INPP4B: variants seen among roughly 807,000 people sequenced by gnomAD.
INPP4B encodes inositol polyphosphate-4-phosphatase type II B, also known as inositol polyphosphate 4-phosphatase type II.
In INPP4B, 55 loss-of-function variants were observed where a neutral mutation model predicts 122.5. That is an observed-to-expected ratio of 0.45 (90% confidence interval 0.36 to 0.56). INPP4B has a LOEUF of 0.56. INPP4B is among the 20% of genes least tolerant of loss of function. INPP4B has a pLI of 0.00. For synonymous variants in INPP4B, 403 were observed against 388.7 expected, an observed-to-expected ratio of 1.04 and a Z score of -0.43; for missense variants, 1,000 against 1,097.7, an observed-to-expected ratio of 0.91 and a Z score of 1.26.
chr4:142,512,321 C>G (rs1207709006), intron 2 of INPP4B, among the ~76,000 whole-genome samples: 1 of 152,170 alleles, frequency 6.6e-6, no homozygotes, highest in East Asian at 1.9e-4. Flanking sequence ...CATCAACTTA[C>G]AGTCCAGCTA....
chr4:142,295,220 T>C (rs1159320498), intron 9 of INPP4B, among the ~76,000 whole-genome samples: 1 of 152,170 alleles, frequency 6.6e-6, no homozygotes, highest in Non-Finnish European at 1.5e-5. Flanking sequence ...AAAGAATCTG[T>C]CAATGAACAT....
chr4:142,122,452 AC>A (rs929272166), intron 20 of INPP4B, among the ~76,000 whole-genome samples: 1 of 152,070 alleles, frequency 6.6e-6, no homozygotes, highest in African/African-American at 2.4e-5. Flanking sequence ...AAGTCAATCT[AC>A]CCTTTGAGGG....
intron 3 of INPP4B, among the ~76,000 whole-genome samples, chr4:142,445,000 A>C (rs1471136093): frequency 6.6e-6 from 1 of 151,972 alleles, no homozygotes; most frequent in African/African-American, 2.4e-5. Flanking sequence ...AACATCACAC[A>C]CCAGGGCCTG....
At chr4:142,136,207 G>A (rs1804139016) in intron 18 of INPP4B, among the ~76,000 whole-genome samples, 1 of 152,158 alleles carries the variant, frequency 6.6e-6, no homozygotes, top group African/African-American at 2.4e-5. Flanking sequence ...CTGGCACCCA[G>A]GCATGTTGGT....
chr4:142,831,266 A>T (rs534420850), intron 1 of INPP4B, among the ~76,000 whole-genome samples: 1 of 152,282 alleles, frequency 6.6e-6, no homozygotes, highest in African/African-American at 2.4e-5. Context: ...ATTCCACCAG[A>T]TCTAAGTCAC....
In INPP4B at chr4:142,832,170, T is replaced by C. The variant is rs541614037; in HGVS notation, c.-254+14039A>G. Reference sequence around the variant, plus strand: ...ATGTGGAATGTGCCGAGTAGATAATTCAGTGATGAGTAAAATTTTTAAGTG... The same window carrying C: ...ATGTGGAATGTGCCGAGTAGATAATCCAGTGATGAGTAAAATTTTTAAGTG... On this transcript the variant is annotated intron_variant, in intron 1 of 25. Transcript: ENST00000262992. Among the ~76,000 whole-genome samples the C allele has an allele frequency of 6.6e-5, 10 of 152,270 alleles. No individual in the cohort carries two copies. The South Asian group carries it at 8.3e-4, about 13-fold the overall frequency.
At chr4:142,832,687 A>G (rs1782296089) in intron 1 of INPP4B, among the ~76,000 whole-genome samples, 1 of 152,186 alleles carries the variant, frequency 6.6e-6, no homozygotes, top group African/African-American at 2.4e-5. Context: ...GATCAGGGTA[A>G]CAATATTTGT....
chr4:142,456,712 G>A (rs1222075319), intron 3 of INPP4B, among the ~76,000 whole-genome samples: 4 of 152,050 alleles, frequency 2.6e-5, no homozygotes, highest in Non-Finnish European at 4.4e-5. Context: ...TTTAAATAGA[G>A]ATACTGCGCT....
At position 142,405,310 on chromosome 4, in the gene INPP4B, C is replaced by T. The variant is rs890780946; in HGVS notation, c.151G>A (p.Val51Met). Residue 51 changes from valine to methionine, a missense_variant, in exon 6 of 26, where the codon GTG becomes ATG. Coordinates refer to ENST00000262992, the MANE Select transcript of INPP4B (RefSeq NM_001101669.3). ...AGTTTACGATCACGGACAGGAGCCACGAGATCCTTGCATGCTGGCAACGGC... is the reference window on the plus strand; with the variant it reads ...AGTTTACGATCACGGACAGGAGCCATGAGATCCTTGCATGCTGGCAACGGC... ...LEFILACKDLVAPVRDRKLNT... is the reference protein window; with the variant it reads ...LEFILACKDLMAPVRDRKLNT... 1 of 1,608,852 alleles carries T rather than the reference C, an allele frequency of 6.2e-7. No individual in the cohort carries two copies. Among genetic ancestry groups the T allele is most frequent in the South Asian group, 1.1e-5 (1 of 90,984 alleles).
At chr4:142,556,193 G>C (rs984542698) in intron 2 of INPP4B, among the ~76,000 whole-genome samples, 1 of 152,128 alleles carries the variant, frequency 6.6e-6, no homozygotes, top group Non-Finnish European at 1.5e-5. Context: ...GTTGGTCAAA[G>C]GTGTGGCTCC....
chr4:142,838,975 C>T (rs929561521), intron 1 of INPP4B, among the ~76,000 whole-genome samples: 2 of 152,184 alleles, frequency 1.3e-5, no homozygotes, highest in South Asian at 2.1e-4. Context: ...GCTGCCAGGC[C>T]ACTGGCTGGA....
chr4:142,154,945 T>C (rs981857330), intron 17 of INPP4B, among the ~76,000 whole-genome samples: 7 of 151,936 alleles, frequency 4.6e-5, no homozygotes, highest in Admixed American at 4.6e-4. Flanking sequence ...ATAATCAGTG[T>C]TCACTAGGCT....
At chr4:142,640,433 G>A (rs1437035022) in intron 2 of INPP4B, among the ~76,000 whole-genome samples, 1 of 152,006 alleles carries the variant, frequency 6.6e-6, no homozygotes, top group East Asian at 1.9e-4. Flanking sequence ...GAGCTGTAGG[G>A]TAATGATTAT....
chr4:142,271,790 A>T (rs1745988198), intron 9 of INPP4B, among the ~76,000 whole-genome samples: 1 of 152,192 alleles, frequency 6.6e-6, no homozygotes, highest in African/African-American at 2.4e-5. Flanking sequence ...TTCAATGATA[A>T]TAATATAAGA....
intron 16 of INPP4B, among the ~76,000 whole-genome samples, chr4:142,161,876 ATACTGCGTATTGG>A (rs1820290541): frequency 6.6e-6 from 1 of 151,894 alleles, no homozygotes; most frequent in Non-Finnish European, 1.5e-5. Flanking sequence ...GTTTTAGGGA[ATACTGCGTATTGG>A]CAGCACAAAT....
chr4:142,612,499 G>A (rs531474860), intron 2 of INPP4B, among the ~76,000 whole-genome samples: 1 of 152,184 alleles, frequency 6.6e-6, no homozygotes, highest in South Asian at 2.1e-4. Context: ...CTGTTATGAA[G>A]GCCAAGAAGT....
intron 2 of INPP4B, among the ~76,000 whole-genome samples, chr4:142,617,173 A>G (rs935244726): frequency 3.9e-5 from 6 of 152,104 alleles, no homozygotes; most frequent in African/African-American, 1.4e-4. Flanking sequence ...CTAACCCATT[A>G]TCATTTATTC....
chr4:142,156,362 G>A (rs539062822), intron 17 of INPP4B, among the ~76,000 whole-genome samples: 1 of 152,196 alleles, frequency 6.6e-6, no homozygotes, highest in South Asian at 2.1e-4. Context: ...CAACTTAATA[G>A]TTTGGTTAAA....
At chr4:142,365,994 C>T (rs1203076085) in intron 7 of INPP4B, among the ~76,000 whole-genome samples, 3 of 152,028 alleles carry the variant, frequency 2.0e-5, no homozygotes, top group African/African-American at 7.2e-5. Flanking sequence ...CTGTGACCTG[C>T]ACATGTATGT....
Sources: allele counts gnomAD v4.1 joint callset (sites outside exome capture counted in the v4.1 genomes callset), GRCh38; gene constraint gnomAD v4.1.1; transcripts MANE v1.5; gene names NCBI Gene and HGNC (gene_info 2026-07-23, HGNC 2026-07-21).